The following PRKCE variants were observed in gnomAD, a reference collection of about 807,000 sequenced individuals.
PRKCE encodes protein kinase C epsilon.
PRKCE carries 16 observed loss-of-function variants against 85.4 expected under a neutral mutation model. The observed-to-expected ratio is 0.19, with a 90% CI of 0.13 to 0.28. The LOEUF is 0.28. Among genes scored for constraint, PRKCE ranks in the 10% least tolerant of loss-of-function variants. The pLI, the probability that PRKCE is intolerant of heterozygous loss-of-function variation, is 1.00. For missense variants in PRKCE, 573 were observed against 975.2 expected (o/e 0.59, Z 5.49); for synonymous variants, 388 against 371.5 (o/e 1.04, Z -0.51).
At chr2:45,867,993 C>T (rs938913022) in intron 2 of PRKCE, among the ~76,000 whole-genome samples, 3 of 152,094 alleles carry the variant, frequency 2.0e-5, no homozygotes, top group African/African-American at 7.2e-5. Context: ...GAGGGCGTAT[C>T]ATTGTTTTGA....
rs533760031 is a variant in PRKCE, at chr2:45,652,591, A to G, written c.348+143A>G. On this transcript the variant is annotated intron_variant, in intron 1 of 14. Transcript: ENST00000306156. This position sits in a 1 kb window ranked among gnomAD's most constrained non-coding sequence, Gnocchi z 7.7. ...TAAGTCTCAGTTTCCTTGGGGAGGT[A>G]CACTTCACTTCATAGTTGGGGAGAA... 6.2e-6 allele frequency: 5 copies of G among 801,640 alleles called. No individual in the cohort carries two copies. The highest frequency in any genetic ancestry group is 7.7e-6 in the Non-Finnish European group (4 of 520,840). The allele number at this position is 801,640 out of a possible 1,614,324, so 49.7% of individuals were successfully genotyped here. A position where few individuals can be genotyped will look rare whatever the true frequency, so the allele number is the denominator to read the frequency against.
At chr2:46,003,183 G>C (rs1448927746) in intron 7 of PRKCE, among the ~76,000 whole-genome samples, 10 of 152,182 alleles carry the variant, frequency 6.6e-5, no homozygotes, top group Non-Finnish European at 1.5e-5. Flanking sequence ...GAGTGCCCTT[G>C]GTCTGAAGCT....
intron 10 of PRKCE, among the ~76,000 whole-genome samples, chr2:46,060,411 G>A (rs937306881): frequency 2.0e-5 from 3 of 152,164 alleles, no homozygotes; most frequent in East Asian, 1.9e-4. Context: ...TGATGACACC[G>A]GAGGCAGGCA....
chr2:45,848,350 G>A (rs12478963), intron 2 of PRKCE, among the ~76,000 whole-genome samples: 270 of 151,590 alleles, frequency 1.8e-3, no homozygotes, highest in African/African-American at 6.2e-3. Flanking sequence ...TTGCTCTGTC[G>A]CCCAGGCTGG....
At chr2:45,840,658 A>T (rs1274627709) in intron 1 of PRKCE, 1 of 152,192 alleles carries the variant, frequency 6.6e-6, no homozygotes, top group African/African-American at 2.4e-5. Context: ...GGCCTCTCCC[A>T]CGAGGCACTG....
rs533298481 is a variant in PRKCE, at chr2:46,159,369, T to C, written c.1921-237T>C. 5.9e-5 allele frequency among the ~76,000 whole-genome samples: 9 copies of C among 152,338 alleles called. No homozygotes were observed. In the South Asian group the frequency reaches 1.9e-3, roughly 32 times the overall value. ...ATATAGAGACAATGATAGTACCTCG[T>C]AGGGCATTAGGATGAAATGAGTTGA... is the stretch of plus-strand genomic sequence containing the variant. On this transcript the variant is annotated intron_variant, in intron 13 of 14. Coordinates refer to ENST00000306156, the MANE Select transcript of PRKCE (RefSeq NM_005400.3). The surrounding 1 kb of genome is among the most constrained non-coding windows in gnomAD (Gnocchi z 4.1).
intron 10 of PRKCE, among the ~76,000 whole-genome samples, chr2:46,082,548 C>T (rs554378160): frequency 2.0e-5 from 3 of 152,100 alleles, no homozygotes; most frequent in East Asian, 1.9e-4. Context: ...ATGAGTGGTC[C>T]GGAGCTTGTG....
intron 2 of PRKCE, among the ~76,000 whole-genome samples, chr2:45,904,951 G>C (rs944908523): frequency 2.0e-5 from 3 of 152,200 alleles, no homozygotes; most frequent in Non-Finnish European, 4.4e-5. Flanking sequence ...GTGAGGTCCC[G>C]GGCGTGGACC....
At chr2:45,999,723 C>G (rs556288012) in intron 6 of PRKCE, among the ~76,000 whole-genome samples, 1 of 151,990 alleles carries the variant, frequency 6.6e-6, no homozygotes, top group Non-Finnish European at 1.5e-5. Context: ...TCTTTCTTCT[C>G]GTAGTGGTAG....
intron 1 of PRKCE, among the ~76,000 whole-genome samples, chr2:45,717,239 C>G (rs1308053932): frequency 6.6e-6 from 1 of 152,206 alleles, no homozygotes; most frequent in African/African-American, 2.4e-5. Context: ...TTGCCACCCA[C>G]AGTACAGCTT....
In PRKCE at chr2:45,958,844, T is replaced by A. The variant is rs1421681166; in HGVS notation, c.413-17585T>A. On this transcript the variant is annotated intron_variant, in intron 2 of 14. Coordinates refer to ENST00000306156, the MANE Select transcript of PRKCE (RefSeq NM_005400.3). ...TTTTTTTTTTTTTTTTTTTTTTTTT[T>A]TTTTTTTTTTTAATAGAATCCTTTA... is the stretch of plus-strand genomic sequence containing the variant. Among the ~76,000 whole-genome samples, 201 of 93,064 alleles carry A rather than the reference T, an allele frequency of 2.2e-3. 9 individuals carry two copies. Among genetic ancestry groups the A allele is most frequent in the African/African-American group, 8.5e-3 (198 of 23,228 alleles). The allele number at this position is 93,064 out of a possible 152,430, so 61.1% of individuals were successfully genotyped here. A position where few individuals can be genotyped will look rare whatever the true frequency, so the allele number is the denominator to read the frequency against.
chr2:45,937,853 A>G (rs1699587518), intron 2 of PRKCE, among the ~76,000 whole-genome samples: 1 of 152,210 alleles, frequency 6.6e-6, no homozygotes, highest in African/African-American at 2.4e-5. Context: ...GGTAGATATT[A>G]TCCTCCCCCA....
chr2:45,881,416 C>T (rs1694881401), intron 2 of PRKCE, among the ~76,000 whole-genome samples: 2 of 152,074 alleles, frequency 1.3e-5, no homozygotes, highest in Admixed American at 6.5e-5. Flanking sequence ...ATTTCTAGGC[C>T]TCATTACCAT....
rs1467784037 is a variant in PRKCE at position 46,074,431 on chromosome 2, A to G, written c.1438-11777A>G. On this transcript the variant is annotated intron_variant, in intron 10 of 14. Transcript: ENST00000306156. ...ACAAACAAACAAACAACAACAACCAAAAAAAAAAAAAAAAAAAGAAAAACA... is the reference window on the plus strand; with the variant it reads ...ACAAACAAACAAACAACAACAACCAGAAAAAAAAAAAAAAAAAGAAAAACA... Among the ~76,000 whole-genome samples the G allele has an allele frequency of 2.5e-4, 26 of 103,338 alleles. No homozygotes were observed. The East Asian group carries it at 0.017, about 67-fold the overall frequency. 67.8% of individuals were successfully genotyped at this position (103,338 alleles called of 152,430 possible).
At chr2:45,777,182 A>T (rs1427420017) in intron 1 of PRKCE, among the ~76,000 whole-genome samples, 1 of 152,210 alleles carries the variant, frequency 6.6e-6, no homozygotes, top group African/African-American at 2.4e-5. Flanking sequence ...AAATAGTGGG[A>T]TCTAACCTTG....
At position 46,010,421 on chromosome 2, in the gene PRKCE, T is replaced by C; in HGVS notation, c.1341T>C (p.Asp447=). Residue 447 remains aspartate (D), a synonymous_variant, in exon 10 of 15, where the codon GAT becomes GAC. Coordinates refer to ENST00000306156, the MANE Select transcript of PRKCE (RefSeq NM_005400.3). ...TAAAGAAGGACGTCATCCTTCAGGA[T>C]GATGACGTGGACTGCACAATGACAG... The part of the protein sequence containing the change: ...KVLKKDVILQ[D]DDVDCTMTEK... 6.3e-7 allele frequency: 1 copy of C among 1,599,692 alleles called. No homozygotes were observed. Among genetic ancestry groups the C allele is most frequent in the South Asian group, 1.1e-5 (1 of 91,082 alleles).
At chr2:45,836,109 A>G (rs1690854293) in intron 1 of PRKCE, among the ~76,000 whole-genome samples, 3 of 152,230 alleles carry the variant, frequency 2.0e-5, no homozygotes, top group Admixed American at 2.0e-4. Context: ...TTGAAGTAGT[A>G]TAAGCTAAGG....
At chr2:45,760,275 C>CAGAA (rs955709323) in intron 1 of PRKCE, among the ~76,000 whole-genome samples, 1 of 152,256 alleles carries the variant, frequency 6.6e-6, no homozygotes, top group African/African-American at 2.4e-5. Flanking sequence ...ATCAAGGCCA[C>CAGAA]AGAAAGAAAG....
chr2:46,150,145 C>G (rs1470262294), intron 12 of PRKCE, among the ~76,000 whole-genome samples: 2 of 152,136 alleles, frequency 1.3e-5, no homozygotes, highest in East Asian at 3.9e-4. Flanking sequence ...CCATTGCGCC[C>G]AGCCAGAAAA....
Sources: allele counts gnomAD v4.1 joint callset (sites outside exome capture counted in the v4.1 genomes callset), GRCh38; gene constraint gnomAD v4.1.1; non-coding constraint Gnocchi (gnomAD v3.1); transcripts MANE v1.5; gene names NCBI Gene and HGNC (gene_info 2026-07-23, HGNC 2026-07-21).